The following PTGER4 variants were observed in gnomAD, a reference collection of about 807,000 sequenced individuals.
PTGER4 encodes the protein prostaglandin E2 receptor EP4 subtype.
Under a neutral mutation model 33.2 loss-of-function variants are expected in PTGER4, and 11 were observed. The ratio of observed to expected loss-of-function variants is 0.33; its 90% CI spans 0.21 to 0.55. The LOEUF (loss-of-function observed/expected upper bound fraction) is 0.55. Ranked by LOEUF, PTGER4 falls within the 20% of genes least tolerant of loss-of-function variation. The pLI, the probability that PTGER4 is intolerant of heterozygous loss-of-function variation, is 0.92. For missense variants in PTGER4, 481 were observed against 650.2 expected (o/e 0.74, Z 2.83); for synonymous variants, 275 against 281.5 (o/e 0.98, Z 0.23).
Position 40,692,971 on chromosome 5 carries a change from C to G in PTGER4, c.*593C>G. ...GTTAGATATTTTTCATAAACAAGTT[C>G]GAGTCAAAGTTGAAAATTCATAGTA... On this transcript the variant is annotated 3_prime_UTR_variant, in exon 3 of 3. Coordinates refer to ENST00000302472, the MANE Select transcript of PTGER4 (RefSeq NM_000958.3). 1 of 948,468 alleles carries G rather than the reference C, an allele frequency of 1.1e-6. No homozygotes were observed. The highest frequency in any genetic ancestry group is 1.3e-6 in the Non-Finnish European group (1 of 796,628). 58.8% of individuals were successfully genotyped at this position (948,468 alleles called of 1,614,324 possible).
At chr5:40,717,252 T>C in the PTGER4 span, among the ~76,000 whole-genome samples, 1 of 149,186 alleles carries the variant, frequency 6.7e-6, no homozygotes, top group Non-Finnish European at 1.5e-5. Context: ...AAAAAAGATT[T>C]ACATGTATTA....
chr5:40,724,558 G>A, the PTGER4 span, among the ~76,000 whole-genome samples: 3 of 150,710 alleles, frequency 2.0e-5, no homozygotes, highest in East Asian at 2.0e-4. Flanking sequence ...GCTTGAACCC[G>A]GGAGGTGGAG....
the PTGER4 span, among the ~76,000 whole-genome samples, chr5:40,698,809 T>C: frequency 6.6e-6 from 1 of 152,228 alleles, no homozygotes; most frequent in Non-Finnish European, 1.5e-5. Context: ...CTTTACTCTG[T>C]AGTTTTTCCA....
chr5:40,681,065 G>A lies in PTGER4; in HGVS notation c.72G>A (p.Pro24=), dbSNP rs148295532. The change falls in exon 2 of 3, where the codon CCG becomes CCA. Residue 24 remains proline, a synonymous_variant. Coordinates refer to ENST00000302472, the MANE Select transcript of PTGER4 (RefSeq NM_000958.3). This position sits in a 1 kb window ranked among gnomAD's most constrained non-coding sequence, Gnocchi z 9.8. ...PDRLNSPVTI[P]AVMFIFGVVG... Reference sequence around the variant, plus strand: ...GGCTGAACAGCCCAGTGACCATCCCGGCGGTGATGTTCATCTTCGGGGTGG... The same window carrying A: ...GGCTGAACAGCCCAGTGACCATCCCAGCGGTGATGTTCATCTTCGGGGTGG... The A allele has an allele frequency of 5.0e-6, 8 of 1,613,968 alleles. No homozygotes were observed. The African/African-American group carries it at 1.1e-4, about 22-fold the overall frequency.
downstream of PTGER4, among the ~76,000 whole-genome samples, chr5:40,698,695 A>C (rs1271972906): frequency 6.6e-6 from 1 of 152,194 alleles, no homozygotes; most frequent in Non-Finnish European, 1.5e-5. Flanking sequence ...ATACGACAAA[A>C]CAAAACACCT....
chr5:40,726,517 CAG>C, the PTGER4 span, among the ~76,000 whole-genome samples: 1 of 146,260 alleles, frequency 6.8e-6, no homozygotes, highest in African/African-American at 2.5e-5. Flanking sequence ...TACATAAAAA[CAG>C]AGAAGATTCC....
At chr5:40,688,592 G>A (rs762661571) in intron 2 of PTGER4, among the ~76,000 whole-genome samples, 7 of 152,224 alleles carry the variant, frequency 4.6e-5, no homozygotes, top group Non-Finnish European at 5.9e-5. Flanking sequence ...GCCACCAACA[G>A]GGTGGGGGAC....
chr5:40,681,882 C>T lies in PTGER4; in HGVS notation c.867+22C>T. ...CGTGGTGAGTGACCGGGGCTGGGGC[C>T]CTACTCGGCCTTTTTCTCGCATCCA... is the stretch of plus-strand genomic sequence containing the variant. On this transcript the variant is annotated intron_variant, in intron 2 of 2. Coordinates refer to ENST00000302472, the MANE Select transcript of PTGER4 (RefSeq NM_000958.3). The surrounding 1 kb of genome is among the most constrained non-coding windows in gnomAD (Gnocchi z 9.8). 6 of 1,482,914 alleles carry T rather than the reference C, an allele frequency of 4.0e-6. No individual in the cohort carries two copies. The highest frequency in any genetic ancestry group is 5.4e-6 in the Non-Finnish European group (6 of 1,121,122). 91.9% of individuals were successfully genotyped at this position (1,482,914 alleles called of 1,614,324 possible).
At chr5:40,733,654 G>A in the PTGER4 span, among the ~76,000 whole-genome samples, 2 of 152,144 alleles carry the variant, frequency 1.3e-5, no homozygotes, top group Non-Finnish European at 2.9e-5. Flanking sequence ...AGAGGGTCAG[G>A]GATGTTAACA....
chr5:40,714,253 T>G, the PTGER4 span, among the ~76,000 whole-genome samples: 1 of 152,182 alleles, frequency 6.6e-6, no homozygotes, highest in African/African-American at 2.4e-5. Context: ...AAAAAAGTTC[T>G]CCTTTTTTAA....
chr5:40,705,669 A>G, the PTGER4 span, among the ~76,000 whole-genome samples: 1 of 152,254 alleles, frequency 6.6e-6, no homozygotes, highest in Non-Finnish European at 1.5e-5. Context: ...GGCAAAGGAC[A>G]TGAACAGACA....
chr5:40,720,926 G>A, the PTGER4 span, among the ~76,000 whole-genome samples: 2 of 152,194 alleles, frequency 1.3e-5, no homozygotes, highest in Non-Finnish European at 2.9e-5. Context: ...ACTGGTTTCT[G>A]TCTTGCCTGT....
chr5:40,681,857 C>G lies in PTGER4; in HGVS notation c.864C>G (p.Leu288=), dbSNP rs370545201. The stretch of plus-strand genomic sequence containing the variant: ...TGGTGCTCATCTGCTCCATCCCGCT[C>G]GTGGTGAGTGACCGGGGCTGGGGCC... ...SLVVLICSIP[L]VVRVFVNQLY... Residue 288 remains leucine, a synonymous_variant, in exon 2 of 3, where the codon CTC becomes CTG. Transcript: ENST00000302472. The surrounding 1 kb of genome is among the most constrained non-coding windows in gnomAD (Gnocchi z 9.8). 1 of 1,511,368 alleles carries G rather than the reference C, an allele frequency of 6.6e-7. No homozygotes were observed. Among genetic ancestry groups the G allele is most frequent in the Non-Finnish European group, 8.8e-7 (1 of 1,134,564 alleles). 93.6% of individuals were successfully genotyped at this position (1,511,368 alleles called of 1,614,324 possible).
the PTGER4 span, among the ~76,000 whole-genome samples, chr5:40,699,192 T>TG: frequency 8.5e-6 from 1 of 117,504 alleles, no homozygotes; most frequent in Non-Finnish European, 1.9e-5. Context: ...AAAGATAAGT[T>TG]GGAAAAAAAA....
chr5:40,746,704 G>T, the PTGER4 span: 4 of 950,888 alleles, frequency 4.2e-6, no homozygotes, highest in Non-Finnish European at 6.1e-6. Context: ...TTTTAAACAT[G>T]AATTTATCAA....
At chr5:40,705,581 C>T in the PTGER4 span, among the ~76,000 whole-genome samples, 18 of 152,206 alleles carry the variant, frequency 1.2e-4, no homozygotes, top group Admixed American at 6.5e-4. Context: ...GTGCATCTGA[C>T]GAAGGTCTAA....
chr5:40,701,274 T>C, the PTGER4 span, among the ~76,000 whole-genome samples: 1 of 151,970 alleles, frequency 6.6e-6, no homozygotes, highest in Admixed American at 6.6e-5. Context: ...CCAAGGAAAA[T>C]AAGAATCACA....
At position 40,680,927 on chromosome 5, in the gene PTGER4, T is replaced by G; in HGVS notation, c.-43-24T>G. 1 of 1,530,788 alleles carries G rather than the reference T, an allele frequency of 6.5e-7. No homozygotes were observed. The highest frequency in any genetic ancestry group is 8.8e-7 in the Non-Finnish European group (1 of 1,139,122). 94.8% of individuals were successfully genotyped at this position (1,530,788 alleles called of 1,614,324 possible). A position where few individuals can be genotyped will look rare whatever the true frequency, so the allele number is the denominator to read the frequency against. Reference sequence around the variant, plus strand: ...GTGGTAATTTCCGCTCACGGCAGCTTTGTCTCTCTTCTACCATCCCCAGAC... The same window carrying G: ...GTGGTAATTTCCGCTCACGGCAGCTGTGTCTCTCTTCTACCATCCCCAGAC... On this transcript the variant is annotated intron_variant, in intron 1 of 2. Coordinates refer to ENST00000302472, the MANE Select transcript of PTGER4 (RefSeq NM_000958.3). The surrounding 1 kb of genome is among the most constrained non-coding windows in gnomAD (Gnocchi z 5.5).
the PTGER4 span, among the ~76,000 whole-genome samples, chr5:40,703,726 A>G: frequency 6.6e-6 from 1 of 151,742 alleles, no homozygotes; most frequent in African/African-American, 2.4e-5. Context: ...AACATGGTGA[A>G]ACCCCATCTC....
Sources: allele counts gnomAD v4.1 joint callset (sites outside exome capture counted in the v4.1 genomes callset), GRCh38; gene constraint gnomAD v4.1.1; non-coding constraint Gnocchi (gnomAD v3.1); transcripts MANE v1.5; gene names NCBI Gene and HGNC (gene_info 2026-07-23, HGNC 2026-07-21).